Variants in GSK3B observed in about 807,000 individuals in gnomAD.
GSK3B encodes the protein glycogen synthase kinase 3 beta, also known as glycogen synthase kinase-3 beta.
Under a neutral mutation model 56.4 loss-of-function variants are expected in GSK3B, and 15 were observed. The ratio of observed to expected loss-of-function variants is 0.27; its 90% CI spans 0.18 to 0.41. The LOEUF (loss-of-function observed/expected upper bound fraction) is 0.41. Among genes scored for constraint, GSK3B ranks in the 10% least tolerant of loss-of-function variants. The pLI is 1.00. For missense variants in GSK3B, 300 were observed against 513.4 expected (o/e 0.58, Z 4.02); for synonymous variants, 181 against 188.9 (o/e 0.96, Z 0.34).
At chr3:119,874,828 CT>C (rs1174035407) in intron 8 of GSK3B, among the ~76,000 whole-genome samples, 8 of 151,986 alleles carry the variant, frequency 5.3e-5, no homozygotes, top group Admixed American at 5.3e-4. Flanking sequence ...ACAGAATTCT[CT>C]TTGTTGTTTT....
Position 119,923,589 on chromosome 3 carries a change from T to A in GSK3B, c.367-106A>T, listed in dbSNP as rs867127558. 2.8e-5 allele frequency: 14 copies of A among 499,856 alleles called. 1 individual carries two copies. The highest frequency in any genetic ancestry group is 5.2e-4 in the Middle Eastern group (1 of 1,930). 31.0% of individuals were successfully genotyped at this position (499,856 alleles called of 1,614,324 possible). A position where few individuals can be genotyped will look rare whatever the true frequency, so the allele number is the denominator to read the frequency against. On this transcript the variant is annotated intron_variant, in intron 3 of 10. Coordinates refer to ENST00000264235, the MANE Select transcript of GSK3B (RefSeq NM_001146156.2). ...CTAGATATTTACTTATTCGGATTTTTAAAGATTAATGTGTCACTTTTAATT... is the reference window on the plus strand; with the variant it reads ...CTAGATATTTACTTATTCGGATTTTAAAAGATTAATGTGTCACTTTTAATT...
intron 8 of GSK3B, among the ~76,000 whole-genome samples, chr3:119,865,631 A>G (rs2056172604): frequency 1.3e-5 from 2 of 150,540 alleles, no homozygotes; most frequent in Non-Finnish European, 3.0e-5. Context: ...CACCACACCC[A>G]GCTAATTTTT....
At chr3:119,975,369 C>T (rs1255979119) in intron 2 of GSK3B, among the ~76,000 whole-genome samples, 3 of 152,154 alleles carry the variant, frequency 2.0e-5, no homozygotes, top group South Asian at 4.1e-4. Flanking sequence ...ATCGCTTGAA[C>T]CTGGGAGGCG....
chr3:120,048,434 G>T (rs1435094210), intron 1 of GSK3B, among the ~76,000 whole-genome samples: 1 of 152,080 alleles, frequency 6.6e-6, no homozygotes, highest in Non-Finnish European at 1.5e-5. Context: ...AAACTCTGGA[G>T]CCAGACAGCC....
intron 1 of GSK3B, among the ~76,000 whole-genome samples, chr3:120,049,449 G>T (rs1026236406): frequency 1.3e-5 from 2 of 152,204 alleles, no homozygotes; most frequent in African/African-American, 4.8e-5. Context: ...AATGTCAGAA[G>T]ACTTCCTGGG....
At chr3:119,930,540 T>C (rs981305292) in intron 3 of GSK3B, among the ~76,000 whole-genome samples, 3 of 152,154 alleles carry the variant, frequency 2.0e-5, no homozygotes, top group Admixed American at 6.5e-5. Context: ...AATGAAACAT[T>C]GAATAAAAAT....
At chr3:119,913,127 G>A (rs2056751472) in intron 5 of GSK3B, among the ~76,000 whole-genome samples, 1 of 151,960 alleles carries the variant, frequency 6.6e-6, no homozygotes, top group Admixed American at 6.6e-5. Context: ...AAAATACAAA[G>A]AAGCAAGGGC....
chr3:120,080,059 C>A (rs72971017), intron 1 of GSK3B, among the ~76,000 whole-genome samples: 1 of 152,060 alleles, frequency 6.6e-6, no homozygotes, highest in African/African-American at 2.4e-5. Flanking sequence ...CTTTGAGAGA[C>A]CAAGGTGGCT....
chr3:120,093,845 G>A lies in GSK3B; in HGVS notation c.-411C>T, dbSNP rs2058536957. The stretch of plus-strand genomic sequence containing the variant: ...TTTTTTTCCGAGTCAATGAAGAAGG[G>A]AAGCGGCGGAAGGATCACGAGTCTC... On this transcript the variant is annotated 5_prime_UTR_variant, in exon 1 of 11. Coordinates refer to ENST00000264235, the MANE Select transcript of GSK3B (RefSeq NM_001146156.2). 1 of 199,530 alleles carries A rather than the reference G, an allele frequency of 5.0e-6. No homozygotes were observed. The allele number at this position is 199,530 out of a possible 1,614,324, so 12.4% of individuals were successfully genotyped here.
At chr3:120,011,027 C>A (rs1055222154) in intron 1 of GSK3B, among the ~76,000 whole-genome samples, 2 of 152,186 alleles carry the variant, frequency 1.3e-5, no homozygotes, top group Admixed American at 1.3e-4. Context: ...TGAGATCATG[C>A]CACTGTACTC....
intron 6 of GSK3B, among the ~76,000 whole-genome samples, chr3:119,908,222 G>A (rs2056701794): frequency 6.6e-6 from 1 of 152,144 alleles, no homozygotes; most frequent in Admixed American, 6.5e-5. Context: ...GTTCCTTAAT[G>A]TGTGAGATGA....
chr3:119,845,230 G>A (rs749919970), intron 9 of GSK3B, among the ~76,000 whole-genome samples: 1 of 152,158 alleles, frequency 6.6e-6, no homozygotes, highest in South Asian at 2.1e-4. Context: ...GGCAAAAGCT[G>A]GAAGCATTCG....
At chr3:120,020,910 T>C (rs1004813506) in intron 1 of GSK3B, among the ~76,000 whole-genome samples, 3 of 152,198 alleles carry the variant, frequency 2.0e-5, no homozygotes, top group African/African-American at 4.8e-5. Context: ...GCCTTATTGC[T>C]GATACGGAGA....
At chr3:119,880,689 A>C (rs1330354634) in intron 7 of GSK3B, among the ~76,000 whole-genome samples, 1 of 152,198 alleles carries the variant, frequency 6.6e-6, no homozygotes, top group African/African-American at 2.4e-5. Flanking sequence ...TATTGGAAAG[A>C]AAATAAAAAG....
chr3:119,871,099 A>G (rs922984993), intron 8 of GSK3B, among the ~76,000 whole-genome samples: 1 of 152,242 alleles, frequency 6.6e-6, no homozygotes, highest in Non-Finnish European at 1.5e-5. Flanking sequence ...GAAAAACTGT[A>G]GCATTATGGA....
Position 120,093,700 on chromosome 3 carries a change from T to A in GSK3B, c.-266A>T, listed in dbSNP as rs906533691. Reference sequence around the variant, plus strand: ...TGGGAAAAAATACAATTCTTTCCCCTCCCTTTCCTGGGAGGAGAGAAAAGA... The same window carrying A: ...TGGGAAAAAATACAATTCTTTCCCCACCCTTTCCTGGGAGGAGAGAAAAGA... On this transcript the variant is annotated 5_prime_UTR_variant, in exon 1 of 11. Transcript: ENST00000264235. The A allele has an allele frequency of 1.1e-5, 4 of 354,914 alleles. No individual in the cohort carries two copies. Among genetic ancestry groups the A allele is most frequent in the African/African-American group, 8.3e-5 (4 of 48,372 alleles). The allele number at this position is 354,914 out of a possible 1,614,324, so 22.0% of individuals were successfully genotyped here. A position where few individuals can be genotyped will look rare whatever the true frequency, so the allele number is the denominator to read the frequency against.
At chr3:120,065,211 A>G (rs991777531) in intron 1 of GSK3B, among the ~76,000 whole-genome samples, 3 of 152,214 alleles carry the variant, frequency 2.0e-5, no homozygotes, top group Non-Finnish European at 2.9e-5. Context: ...AGAAGTTATA[A>G]TATCTGACAA....
chr3:120,029,696 C>A, intron 1 of GSK3B: 2 of 532,372 alleles, frequency 3.8e-6, no homozygotes, highest in East Asian at 4.8e-5. Flanking sequence ...CAGCAGAAAT[C>A]TTCATGGGAT....
Position 119,826,683 on chromosome 3 carries a change from G to C in GSK3B, c.*105C>G, listed in dbSNP as rs1447980133. On this transcript the variant is annotated 3_prime_UTR_variant, in exon 11 of 11. Transcript: ENST00000264235. The stretch of plus-strand genomic sequence containing the variant: ...AAAAAATTGAACACTAAAATGAACA[G>C]GATTTTTTTCTCTTTTTAATATTCT... 2.6e-6 allele frequency: 2 copies of C among 780,558 alleles called. No homozygotes were observed. Among genetic ancestry groups the C allele is most frequent in the African/African-American group, 1.7e-5 (1 of 59,028 alleles). 48.4% of individuals were successfully genotyped at this position (780,558 alleles called of 1,614,324 possible). A position where few individuals can be genotyped will look rare whatever the true frequency, so the allele number is the denominator to read the frequency against.
Sources: allele counts gnomAD v4.1 joint callset (sites outside exome capture counted in the v4.1 genomes callset), GRCh38; gene constraint gnomAD v4.1.1; transcripts MANE v1.5; gene names NCBI Gene and HGNC (gene_info 2026-07-23, HGNC 2026-07-21).